The following DCAF6 variants were observed in gnomAD, a reference collection of about 807,000 sequenced individuals.
The protein encoded by DCAF6 is DDB1- and CUL4-associated factor 6.
A neutral mutation model predicts 125.1 loss-of-function variants in DCAF6; 54 were observed. The ratio of observed to expected loss-of-function variants is 0.43; its 90% confidence interval spans 0.35 to 0.54. DCAF6 has a LOEUF of 0.54. Among genes scored for constraint, DCAF6 ranks in the 20% least tolerant of loss-of-function variants. The pLI, the probability that DCAF6 is intolerant of heterozygous loss-of-function variation, is 0.01. For synonymous variants in DCAF6, 371 were observed against 390.4 expected, an observed-to-expected ratio of 0.95 and a Z score of 0.58; for missense variants, 934 against 1,161.7, an observed-to-expected ratio of 0.80 and a Z score of 2.85.
intron 7 of DCAF6, among the ~76,000 whole-genome samples, chr1:168,002,152 T>G (rs115132069): frequency 0.011 from 1,733 of 152,278 alleles, 37 homozygotes; most frequent in African/African-American, 0.039. Flanking sequence ...AAACTAAGGC[T>G]CAAGATGGTT....
At chr1:167,998,863 A>G (rs1387284940) in intron 7 of DCAF6, 3 of 152,568 alleles carry the variant, frequency 2.0e-5, no homozygotes, top group African/African-American at 7.3e-5. Context: ...CTACCCCTCA[A>G]AGTGATCCAC....
At chr1:167,901,203 G>A in the DCAF6 span, among the ~76,000 whole-genome samples, 1 of 152,184 alleles carries the variant, frequency 6.6e-6, no homozygotes, top group Non-Finnish European at 1.5e-5. Flanking sequence ...TAAAGCTGGA[G>A]CTGTGTTGCA....
chr1:167,998,080 A>T (rs1184158410), intron 7 of DCAF6, among the ~76,000 whole-genome samples: 2 of 152,174 alleles, frequency 1.3e-5, no homozygotes, highest in Non-Finnish European at 2.9e-5. Flanking sequence ...CTCCTCCCAG[A>T]TATACAGGCT....
intron 4 of DCAF6, 85 bp from the exon 5 acceptor site, chr1:167,987,410 C>T: frequency 7.1e-6 from 5 of 700,998 alleles, no homozygotes; most frequent in Non-Finnish European, 1.3e-5. Context: ...TTACCTTAAT[C>T]ATTTTATGAA....
At chr1:167,951,703 T>C in intron 1 of DCAF6, 97 bp from the exon 2 acceptor site, 1 of 764,120 alleles carries the variant, frequency 1.3e-6, no homozygotes, top group East Asian at 2.6e-5. Context: ...AGAGCATGAA[T>C]TTACTTTTCA....
At chr1:168,024,527 C>T (rs1374030613) in intron 12 of DCAF6, among the ~76,000 whole-genome samples, 6 of 151,882 alleles carry the variant, frequency 4.0e-5, no homozygotes, top group African/African-American at 1.5e-4. Flanking sequence ...CTTATGGGGC[C>T]AGGCGTGGTG....
At chr1:167,880,380 A>G in the DCAF6 span, 1 of 986,366 alleles carries the variant, frequency 1.0e-6, no homozygotes, top group East Asian at 2.4e-5. Flanking sequence ...TTTGAGACAC[A>G]GGACTAAGTT....
the DCAF6 span, among the ~76,000 whole-genome samples, chr1:167,928,212 G>C: frequency 0.022 from 3,308 of 152,048 alleles, 53 homozygotes; most frequent in Non-Finnish European, 0.03. Context: ...GCTGCGCGTG[G>C]TGGCAGGCGG....
the DCAF6 span, among the ~76,000 whole-genome samples, chr1:167,873,614 C>T: frequency 6.6e-6 from 1 of 152,186 alleles, no homozygotes; most frequent in Admixed American, 6.5e-5. Flanking sequence ...ATCCCTTCCT[C>T]ATTTTAGGTC....
chr1:167,977,104 ATGT>A (rs889472246), intron 4 of DCAF6, among the ~76,000 whole-genome samples: 1 of 149,836 alleles, frequency 6.7e-6, no homozygotes, highest in Non-Finnish European at 1.5e-5. Flanking sequence ...GGGTTTCTCC[ATGT>A]TGGTCAGGCT....
chr1:167,936,842 C>T lies in DCAF6; in HGVS notation c.-70C>T. On this transcript the variant is annotated 5_prime_UTR_variant, in exon 1 of 22. In the 5' UTR this introduces an upstream ATG that the reference lacks. Transcript: ENST00000367840. ...TGCCGGTGCGGCTCGGGTGTTGAAA[C>T]GGGTGTCCCCTCCCCCTCCTCCCCT... 2 of 1,344,286 alleles carry T rather than the reference C, an allele frequency of 1.5e-6. No individual in the cohort carries two copies. Among genetic ancestry groups the T allele is most frequent in the Non-Finnish European group, 2.1e-6 (2 of 965,644 alleles). 83.3% of individuals were successfully genotyped at this position (1,344,286 alleles called of 1,614,324 possible).
chr1:167,867,318 C>T, the DCAF6 span, among the ~76,000 whole-genome samples: 51 of 152,278 alleles, frequency 3.3e-4, no homozygotes, highest in African/African-American at 1.1e-3. Flanking sequence ...GACTGGTCCA[C>T]GCACGGCCGA....
chr1:168,065,447 A>G, intron 18 of DCAF6, 143 bp from the exon 19 acceptor site: 1 of 711,640 alleles, frequency 1.4e-6, no homozygotes, highest in South Asian at 2.1e-5. Context: ...TGCGCCCAGC[A>G]TCAATTTTTA....
chr1:167,999,898 A>G (rs1384304627), intron 7 of DCAF6, among the ~76,000 whole-genome samples: 1 of 152,156 alleles, frequency 6.6e-6, no homozygotes. Flanking sequence ...AGTTCCTTCC[A>G]GAACTTTTCC....
intron 16 of DCAF6, among the ~76,000 whole-genome samples, chr1:168,046,629 G>A (rs1689182119): frequency 6.6e-6 from 1 of 152,034 alleles, no homozygotes; most frequent in African/African-American, 2.4e-5. Context: ...TATATTTTAG[G>A]CAAGTAAGAC....
chr1:167,887,681 A>T, the DCAF6 span, among the ~76,000 whole-genome samples: 52 of 152,080 alleles, frequency 3.4e-4, no homozygotes, highest in African/African-American at 1.2e-3. Context: ...TGTACCCTAG[A>T]ACTTAAAAGT....
At position 167,991,332 on chromosome 1, in the gene DCAF6, A is replaced by G. The variant is rs1291331650; in HGVS notation, c.681A>G (p.Arg227=). 1 of 1,610,488 alleles carries G rather than the reference A, an allele frequency of 6.2e-7. No individual in the cohort carries two copies. The highest frequency in any genetic ancestry group is 1.1e-5 in the South Asian group (1 of 90,482). Residue 227 remains arginine (R), a synonymous_variant, in exon 6 of 22, where the codon AGA becomes AGG. Transcript: ENST00000367840. ...ATGATCGGCGAATGCTGGGCACAAG[A>G]GCTACAGGTAAGAAGATAATATTAG... The part of the protein sequence containing the change: ...RIYDRRMLGT[R]ATGNYAGRGT...
chr1:168,035,425 C>A (rs371754101), intron 12 of DCAF6, among the ~76,000 whole-genome samples: 1 of 152,070 alleles, frequency 6.6e-6, no homozygotes, highest in South Asian at 2.1e-4. Context: ...CCAACCTGGA[C>A]GACGGAGTGA....
At chr1:167,962,514 C>T (rs1305169852) in intron 2 of DCAF6, among the ~76,000 whole-genome samples, 1 of 152,158 alleles carries the variant, frequency 6.6e-6, no homozygotes, top group Non-Finnish European at 1.5e-5. Context: ...AATGTAACTA[C>T]TCCTGTTTTC....
Sources: gnomAD v4.1 joint callset for allele counts (sites outside exome capture counted in the v4.1 genomes callset) on GRCh38, gnomAD v4.1.1 for gene constraint, MANE v1.5 for transcripts, NCBI Gene and HGNC (gene_info 2026-07-23, HGNC 2026-07-21) for gene names.